CALN1: variants seen among roughly 807,000 people sequenced by gnomAD.
CALN1 encodes calneuron 1, also known as calcium-binding protein 8.
In CALN1, 17 loss-of-function variants were observed where a neutral mutation model predicts 30.6. The observed-to-expected ratio is 0.56, with a 90% CI of 0.38 to 0.83. The LOEUF is 0.83. Ranked by LOEUF, CALN1 falls within the 40% of genes least tolerant of loss-of-function variation. The pLI is 0.00. For missense variants in CALN1, 291 were observed against 354.9 expected, an observed-to-expected ratio of 0.82 and a Z score of 1.45; for synonymous variants, 156 against 131.4, an observed-to-expected ratio of 1.19 and a Z score of -1.28.
At chr7:71,932,188 TTTTA>T (rs1220050722) in intron 5 of CALN1, among the ~76,000 whole-genome samples, 2 of 151,992 alleles carry the variant, frequency 1.3e-5, no homozygotes, top group Admixed American at 6.6e-5. Context: ...CTAATAAATG[TTTTA>T]TTTATTTATT....
intron 3 of CALN1, among the ~76,000 whole-genome samples, chr7:72,142,457 T>TA (rs537549334): frequency 6.5e-4 from 99 of 151,894 alleles, no homozygotes; most frequent in Admixed American, 2.0e-3. Context: ...CTTGAGTAGG[T>TA]AAAAAAAGTG....
At chr7:72,360,486 C>CA (rs1354344200) in intron 2 of CALN1, among the ~76,000 whole-genome samples, 17 of 150,936 alleles carry the variant, frequency 1.1e-4, no homozygotes, top group Admixed American at 1.1e-3. Flanking sequence ...TAGATGCATA[C>CA]AAAAAAATGG....
chr7:72,103,569 C>T (rs1806852919), intron 4 of CALN1, among the ~76,000 whole-genome samples: 1 of 152,140 alleles, frequency 6.6e-6, no homozygotes, highest in South Asian at 2.1e-4. Context: ...TGTTAACCAA[C>T]TTGGGATTGT....
At chr7:72,039,043 C>A (rs1180937911) in intron 4 of CALN1, among the ~76,000 whole-genome samples, 1 of 152,230 alleles carries the variant, frequency 6.6e-6, no homozygotes, top group Non-Finnish European at 1.5e-5. Context: ...GGGTCTGGAT[C>A]AGGACCCCTT....
At chr7:72,339,291 C>T (rs1446465788) in intron 2 of CALN1, among the ~76,000 whole-genome samples, 2 of 152,154 alleles carry the variant, frequency 1.3e-5, no homozygotes, top group Non-Finnish European at 2.9e-5. Context: ...AATGCAGATA[C>T]CTCTTCGATA....
At chr7:72,290,673 CTT>C (rs1014043865) in intron 2 of CALN1, among the ~76,000 whole-genome samples, 2 of 152,158 alleles carry the variant, frequency 1.3e-5, no homozygotes, top group African/African-American at 4.8e-5. Flanking sequence ...TCTTTAAACT[CTT>C]TTTAATTGTT....
intron 5 of CALN1, among the ~76,000 whole-genome samples, chr7:71,971,181 G>A (rs562799970): frequency 1.3e-5 from 2 of 152,328 alleles, no homozygotes; most frequent in African/African-American, 2.4e-5. Flanking sequence ...AGGCGTGGTG[G>A]CTCATGCCTG....
At chr7:72,205,575 T>TATACATATATATATATATATATAC (rs1554319681) in intron 3 of CALN1, among the ~76,000 whole-genome samples, 6 of 119,616 alleles carry the variant, frequency 5.0e-5, no homozygotes, top group African/African-American at 2.5e-4. Flanking sequence ...TATGTATATA[T>TATACATATATATATATATATATAC]ATATATATAT....
chr7:71,802,577 C>T (rs1787370520), intron 6 of CALN1, among the ~76,000 whole-genome samples: 1 of 152,170 alleles, frequency 6.6e-6, no homozygotes, highest in African/African-American at 2.4e-5. Flanking sequence ...ATCCCTCCAC[C>T]TCAGCCTCCC....
chr7:71,991,519 T>C lies in CALN1; in HGVS notation c.501+32138A>G, dbSNP rs561086860. Among the ~76,000 whole-genome samples, 3 of 151,478 alleles carry C rather than the reference T, an allele frequency of 2.0e-5. No individual in the cohort carries two copies. The East Asian group carries it at 5.8e-4, about 29-fold the overall frequency. ...GGATGGAAGGCCTGTGCCTACATTT[T>C]AGAAGTGCAAAGCAAAGTAATAAAG... On this transcript the variant is annotated intron_variant, in intron 5 of 6. Coordinates refer to ENST00000395275, the MANE Select transcript of CALN1 (RefSeq NM_031468.4).
rs35793572 is a variant in CALN1 at position 71,861,777 on chromosome 7, CAAAAAA to C, written c.502-51291_502-51286del. On this transcript the variant is annotated intron_variant, in intron 5 of 6. Coordinates refer to ENST00000395275, the MANE Select transcript of CALN1 (RefSeq NM_031468.4). Reference sequence around the variant, plus strand: ...ATGGGTGAAAGAGTGCAACTCTATCCAAAAAAAAAAAAAAAAAAAAAAAGAGAGAGA... The same window carrying C: ...ATGGGTGAAAGAGTGCAACTCTATCCAAAAAAAAAAAAAAAAAGAGAGAGA... Among the ~76,000 whole-genome samples, 33 of 74,700 alleles carry C rather than the reference CAAAAAA, an allele frequency of 4.4e-4. No individual in the cohort carries two copies. In the East Asian group the frequency reaches 6.9e-3, roughly 16 times the overall value. The allele number at this position is 74,700 out of a possible 152,430, so 49.0% of individuals were successfully genotyped here. A position where few individuals can be genotyped will look rare whatever the true frequency, so the allele number is the denominator to read the frequency against.
chr7:72,268,425 T>A (rs1384921354), intron 3 of CALN1, among the ~76,000 whole-genome samples: 2 of 152,142 alleles, frequency 1.3e-5, no homozygotes, highest in Non-Finnish European at 2.9e-5. Context: ...AGAGAGCTAT[T>A]TAAGAATGAT....
At chr7:72,045,831 C>T (rs567401524) in intron 4 of CALN1, among the ~76,000 whole-genome samples, 4 of 151,804 alleles carry the variant, frequency 2.6e-5, no homozygotes, top group Non-Finnish European at 4.4e-5. Flanking sequence ...GAAACCCTGT[C>T]TCTACTAAAA....
At chr7:72,137,476 C>T (rs1400665868) in intron 3 of CALN1, among the ~76,000 whole-genome samples, 4 of 152,138 alleles carry the variant, frequency 2.6e-5, no homozygotes, top group African/African-American at 9.7e-5. Flanking sequence ...AGCACATGCT[C>T]TTAGAAAAAT....
chr7:72,361,646 C>T (rs1914400), intron 2 of CALN1, among the ~76,000 whole-genome samples: 119,008 of 152,134 alleles, frequency 0.78, 47,737 homozygotes, highest in Middle Eastern at 0.89. Flanking sequence ...GATCGCATCA[C>T]TTACCAGAAG....
chr7:71,864,164 G>A (rs1384825586), intron 5 of CALN1, among the ~76,000 whole-genome samples: 1 of 152,146 alleles, frequency 6.6e-6, no homozygotes, highest in African/African-American at 2.4e-5. Flanking sequence ...CCTTCCCGCT[G>A]TGGTAGACAG....
At chr7:72,218,513 C>T (rs1023889931) in intron 3 of CALN1, among the ~76,000 whole-genome samples, 1 of 152,090 alleles carries the variant, frequency 6.6e-6, no homozygotes. Context: ...GTGCCCAGCT[C>T]AGTAGCCTGT....
intron 2 of CALN1, among the ~76,000 whole-genome samples, chr7:72,394,593 A>G (rs1455515784): frequency 6.6e-6 from 1 of 151,918 alleles, no homozygotes; most frequent in Non-Finnish European, 1.5e-5. Context: ...ATAATAATAA[A>G]CTGCATATTT....
chr7:72,261,234 G>A (rs867286934), intron 3 of CALN1, among the ~76,000 whole-genome samples: 4 of 152,062 alleles, frequency 2.6e-5, no homozygotes, highest in Admixed American at 1.3e-4. Context: ...CTTGAACCTG[G>A]GAGGCAGAGG....
Sources: gnomAD v4.1 joint callset for allele counts (sites outside exome capture counted in the v4.1 genomes callset) on GRCh38, gnomAD v4.1.1 for gene constraint, MANE v1.5 for transcripts, NCBI Gene and HGNC (gene_info 2026-07-23, HGNC 2026-07-21) for gene names.